Variants in SLC25A13 observed in about 807,000 individuals in gnomAD.
The protein encoded by SLC25A13 is solute carrier family 25 member 13.
A neutral mutation model predicts 85.5 loss-of-function variants in SLC25A13; 70 were observed. The observed-to-expected ratio is 0.82, with a 90% CI of 0.68 to 1.00. The LOEUF (loss-of-function observed/expected upper bound fraction) is 1.00. Among genes scored for constraint, SLC25A13 ranks in the 50% least tolerant of loss-of-function variants. SLC25A13 has a pLI of 0.00. For missense variants in SLC25A13, 765 were observed against 819.8 expected (o/e 0.93, Z 0.82); for synonymous variants, 259 against 288.7 (o/e 0.90, Z 1.04).
At chr7:96,139,871 T>C (rs1350156426) in intron 14 of SLC25A13, among the ~76,000 whole-genome samples, 1 of 152,152 alleles carries the variant, frequency 6.6e-6, no homozygotes, top group African/African-American at 2.4e-5. Flanking sequence ...ATTTGGGTTA[T>C]TTCATAGCTT....
intron 4 of SLC25A13, among the ~76,000 whole-genome samples, chr7:96,210,360 T>C (rs1443060325): frequency 1.3e-5 from 2 of 152,044 alleles, no homozygotes; most frequent in Admixed American, 6.6e-5. Flanking sequence ...ATGAAGTGAA[T>C]CCAGAATTAG....
At chr7:96,307,051 T>C (rs555315375) in intron 1 of SLC25A13, among the ~76,000 whole-genome samples, 1 of 152,162 alleles carries the variant, frequency 6.6e-6, no homozygotes, top group African/African-American at 2.4e-5. Flanking sequence ...CCTCTCTCCC[T>C]ATGGGCCACT....
At chr7:96,254,753 A>G (rs1797562413) in intron 3 of SLC25A13, among the ~76,000 whole-genome samples, 1 of 152,132 alleles carries the variant, frequency 6.6e-6, no homozygotes, top group Non-Finnish European at 1.5e-5. Context: ...GAACACAAAT[A>G]CACATATAAA....
intron 4 of SLC25A13, among the ~76,000 whole-genome samples, chr7:96,212,939 T>C (rs958059589): frequency 6.6e-6 from 1 of 152,224 alleles, no homozygotes; most frequent in Non-Finnish European, 1.5e-5. Flanking sequence ...TATCATAAGA[T>C]TGCCAAGCCA....
intron 3 of SLC25A13, among the ~76,000 whole-genome samples, chr7:96,268,278 C>T (rs1411140486): frequency 6.6e-6 from 1 of 152,190 alleles, no homozygotes; most frequent in Non-Finnish European, 1.5e-5. Context: ...GAATTTTCAC[C>T]TTGCTCTTAA....
In SLC25A13 at chr7:96,241,772, T is replaced by C. The variant is rs1254611376; in HGVS notation, c.213-6855A>G. On this transcript the variant is annotated intron_variant, in intron 3 of 17. Transcript: ENST00000265631. ...AAAATAGCAAAGTCCTCAACTTAGATAGTGGCAGGAGGACTATATAAGAGA... is the reference window on the plus strand; with the variant it reads ...AAAATAGCAAAGTCCTCAACTTAGACAGTGGCAGGAGGACTATATAAGAGA... Among the ~76,000 whole-genome samples, 5 of 152,244 alleles carry C rather than the reference T, an allele frequency of 3.3e-5. No homozygotes were observed. In the East Asian group the frequency reaches 7.7e-4, roughly 24 times the overall value.
intron 4 of SLC25A13, among the ~76,000 whole-genome samples, chr7:96,216,069 T>C (rs1488686560): frequency 6.6e-6 from 1 of 151,768 alleles, no homozygotes; most frequent in African/African-American, 2.4e-5. Flanking sequence ...GCAGGAAGAA[T>C]TGCTTGAACC....
intron 4 of SLC25A13, among the ~76,000 whole-genome samples, chr7:96,232,157 A>G (rs1228315315): frequency 6.6e-6 from 1 of 152,214 alleles, no homozygotes; most frequent in Non-Finnish European, 1.5e-5. Context: ...AGCACTATTC[A>G]CAATAGCAAA....
intron 13 of SLC25A13, among the ~76,000 whole-genome samples, chr7:96,167,221 C>A (rs928299632): frequency 1.3e-5 from 2 of 152,216 alleles, no homozygotes; most frequent in East Asian, 3.9e-4. Flanking sequence ...TAAAGTTAGA[C>A]GTGAAAGTTA....
At chr7:96,163,653 T>C (rs1426713202) in intron 13 of SLC25A13, among the ~76,000 whole-genome samples, 2 of 152,174 alleles carry the variant, frequency 1.3e-5, no homozygotes, top group African/African-American at 4.8e-5. Context: ...GGGATTGGCA[T>C]GCACTGTGGA....
At chr7:96,301,234 A>G (rs1417970295) in intron 1 of SLC25A13, among the ~76,000 whole-genome samples, 1 of 152,220 alleles carries the variant, frequency 6.6e-6, no homozygotes, top group Non-Finnish European at 1.5e-5. Flanking sequence ...GCCTGGAATT[A>G]TTAGACTTCG....
chr7:96,176,683 A>G (rs1459051636), intron 11 of SLC25A13, among the ~76,000 whole-genome samples: 8 of 152,204 alleles, frequency 5.3e-5, no homozygotes, highest in South Asian at 4.1e-4. Flanking sequence ...GACATCCCCA[A>G]AAGAGGTTCC....
At chr7:96,170,166 A>G (rs773994141) in intron 12 of SLC25A13, 41 bp from the exon 13 acceptor site, 2 of 1,560,612 alleles carry the variant, frequency 1.3e-6, no homozygotes, top group South Asian at 2.2e-5. Flanking sequence ...AAAAATATAA[A>G]GAAAGTCATT....
At chr7:96,169,024 G>A (rs1793890258) in intron 13 of SLC25A13, among the ~76,000 whole-genome samples, 1 of 152,074 alleles carries the variant, frequency 6.6e-6, no homozygotes, top group African/African-American at 2.4e-5. Flanking sequence ...ACAGAACAAG[G>A]GGATCCTGCC....
At chr7:96,147,262 A>G (rs1320588091) in intron 13 of SLC25A13, among the ~76,000 whole-genome samples, 2 of 152,206 alleles carry the variant, frequency 1.3e-5, no homozygotes, top group Non-Finnish European at 2.9e-5. Flanking sequence ...ACTCAAGTCA[A>G]TCATCAAATC....
intron 2 of SLC25A13, among the ~76,000 whole-genome samples, chr7:96,288,515 C>G (rs1321178990): frequency 6.6e-6 from 1 of 152,206 alleles, no homozygotes; most frequent in Non-Finnish European, 1.5e-5. Context: ...AATTCCCTTT[C>G]CTAGCCAAGG....
At chr7:96,245,805 G>C (rs1475857758) in intron 3 of SLC25A13, among the ~76,000 whole-genome samples, 1 of 151,998 alleles carries the variant, frequency 6.6e-6, no homozygotes, top group African/African-American at 2.4e-5. Flanking sequence ...AGACCATTGA[G>C]GAAAAAAGGG....
At chr7:96,186,695 G>A (rs1272100048) in intron 9 of SLC25A13, among the ~76,000 whole-genome samples, 1 of 151,992 alleles carries the variant, frequency 6.6e-6, no homozygotes, top group Non-Finnish European at 1.5e-5. Flanking sequence ...TGTTCACAAG[G>A]AATTATAAAA....
intron 4 of SLC25A13, 34 bp downstream of exon 4, chr7:96,234,768 C>A: frequency 6.6e-7 from 1 of 1,512,996 alleles, no homozygotes; most frequent in South Asian, 1.1e-5. Flanking sequence ...CAAGTCCACA[C>A]TTACACAGAC....
Sources: gnomAD v4.1 joint callset for allele counts (sites outside exome capture counted in the v4.1 genomes callset) on GRCh38, gnomAD v4.1.1 for gene constraint, MANE v1.5 for transcripts, NCBI Gene and HGNC (gene_info 2026-07-23, HGNC 2026-07-21) for gene names.